GLIS3: variants seen among roughly 807,000 people sequenced by gnomAD.
The protein encoded by GLIS3 is GLIS family zinc finger 3, also known as zinc finger protein GLIS3.
Under a neutral mutation model 78.6 loss-of-function variants are expected in GLIS3, and 53 were observed. The observed-to-expected ratio is 0.67, with a 90% confidence interval of 0.54 to 0.85. GLIS3 has a LOEUF of 0.85. Among genes scored for constraint, GLIS3 ranks in the 40% least tolerant of loss-of-function variants. The pLI is 0.00. For missense variants in GLIS3, 1,703 were observed against 1,231.1 expected (o/e 1.38, Z -5.74); for synonymous variants, 684 against 509.9 (o/e 1.34, Z -4.60).
chr9:4,195,402 G>A (rs548120921), intron 2 of GLIS3, among the ~76,000 whole-genome samples: 62 of 152,310 alleles, frequency 4.1e-4, no homozygotes, highest in Non-Finnish European at 6.9e-4. Context: ...GAGGCCAGCC[G>A]GTGCCACCGG....
chr9:4,347,020 T>C (rs1817904157), intron 2 of GLIS3: 1 of 152,158 alleles, frequency 6.6e-6, no homozygotes, highest in Non-Finnish European at 1.5e-5. Flanking sequence ...CATTTTGTAT[T>C]GCTATAAAGA....
intron 4 of GLIS3, among the ~76,000 whole-genome samples, chr9:4,092,492 T>C (rs1428397914): frequency 6.6e-6 from 1 of 152,214 alleles, no homozygotes; most frequent in Non-Finnish European, 1.5e-5. Flanking sequence ...TGCACCACAA[T>C]ATTTCCTTTC....
chr9:4,182,122 G>C (rs183151138), intron 2 of GLIS3, among the ~76,000 whole-genome samples: 1 of 152,056 alleles, frequency 6.6e-6, no homozygotes, highest in Non-Finnish European at 1.5e-5. Context: ...GAATAAAATG[G>C]TTCCTATAAG....
At chr9:4,132,059 A>C (rs549648321) in intron 2 of GLIS3, among the ~76,000 whole-genome samples, 76 of 151,970 alleles carry the variant, frequency 5.0e-4, no homozygotes, top group South Asian at 2.9e-3. Flanking sequence ...TTAAAAAAAA[A>C]AAAAAACAAA....
chr9:4,216,268 C>T lies in GLIS3; in HGVS notation c.388+69770G>A, dbSNP rs552143475. 4.7e-3 allele frequency among the ~76,000 whole-genome samples: 712 copies of T among 151,866 alleles called. 2 individuals carry two copies. Among genetic ancestry groups the T allele is most frequent in the Non-Finnish European group, 7.4e-3 (501 of 67,926 alleles). On this transcript the variant is annotated intron_variant, in intron 2 of 10. Transcript: ENST00000381971. ...TGGGCAGATCATGAGGTCAGGAAATCGAGACCATCCTGGCTAACATGGTGA... is the reference window on the plus strand; with the variant it reads ...TGGGCAGATCATGAGGTCAGGAAATTGAGACCATCCTGGCTAACATGGTGA...
chr9:4,487,711 A>T, the GLIS3 span, among the ~76,000 whole-genome samples: 1 of 151,302 alleles, frequency 6.6e-6, no homozygotes, highest in South Asian at 2.1e-4. Context: ...TTAAATAGAT[A>T]GAGTCTCGCT....
chr9:4,279,944 T>C (rs1418664411), intron 2 of GLIS3, among the ~76,000 whole-genome samples: 3 of 151,906 alleles, frequency 2.0e-5, no homozygotes, highest in Non-Finnish European at 2.9e-5. Context: ...ATAAATCTGA[T>C]ATAATAATTT....
the GLIS3 span, among the ~76,000 whole-genome samples, chr9:4,466,855 A>T: frequency 1.3e-5 from 2 of 152,218 alleles, no homozygotes; most frequent in African/African-American, 4.8e-5. Flanking sequence ...AGGAAGTGCA[A>T]GGGGGTCGGG....
intron 3 of GLIS3, among the ~76,000 whole-genome samples, chr9:4,120,929 A>G (rs1832129002): frequency 6.6e-6 from 1 of 152,254 alleles, no homozygotes; most frequent in African/African-American, 2.4e-5. Flanking sequence ...CTGTTGAGAG[A>G]TGATTCTTAT....
chr9:3,956,028 C>CCAAAAAAAA (rs1491307787), intron 4 of GLIS3, among the ~76,000 whole-genome samples: 9 of 87,628 alleles, frequency 1.0e-4, no homozygotes, highest in East Asian at 4.0e-4. Context: ...CCAGATTCAG[C>CCAAAAAAAA]AAAAAAAAAA....
chr9:4,444,643 A>G, the GLIS3 span, among the ~76,000 whole-genome samples: 2 of 152,216 alleles, frequency 1.3e-5, no homozygotes, highest in African/African-American at 4.8e-5. Flanking sequence ...AAGCCATCCC[A>G]TCATTAGAAG....
chr9:4,367,728 A>C, the GLIS3 span, among the ~76,000 whole-genome samples: 1 of 151,938 alleles, frequency 6.6e-6, no homozygotes, highest in East Asian at 1.9e-4. Context: ...CACAAGTACT[A>C]TACATATTTA....
intron 2 of GLIS3, among the ~76,000 whole-genome samples, chr9:4,222,754 G>A (rs1294619364): frequency 2.0e-5 from 3 of 152,178 alleles, no homozygotes; most frequent in Non-Finnish European, 2.9e-5. Flanking sequence ...TACTTTAACT[G>A]TGGGCTCGCA....
chr9:3,922,755 A>G (rs1824972491), intron 6 of GLIS3, among the ~76,000 whole-genome samples: 1 of 152,198 alleles, frequency 6.6e-6, no homozygotes, highest in Non-Finnish European at 1.5e-5. Context: ...AAAAATATAA[A>G]GAGAGAAAGC....
At chr9:4,416,582 G>C in the GLIS3 span, among the ~76,000 whole-genome samples, 2 of 152,048 alleles carry the variant, frequency 1.3e-5, no homozygotes, top group East Asian at 1.9e-4. Flanking sequence ...ATTTGGATCA[G>C]CTTCCATTAT....
the GLIS3 span, among the ~76,000 whole-genome samples, chr9:4,403,038 G>A: frequency 6.6e-6 from 1 of 152,060 alleles, no homozygotes; most frequent in South Asian, 2.1e-4. Flanking sequence ...ACACTCAAAG[G>A]TCAAGGATAA....
chr9:3,850,598 C>A (rs146659545), intron 9 of GLIS3, among the ~76,000 whole-genome samples: 114 of 152,260 alleles, frequency 7.5e-4, no homozygotes, highest in African/African-American at 2.6e-3. Context: ...AATGTTCCTA[C>A]CTCTCCCATT....
At chr9:4,469,045 T>A in the GLIS3 span, among the ~76,000 whole-genome samples, 1 of 152,104 alleles carries the variant, frequency 6.6e-6, no homozygotes, top group Non-Finnish European at 1.5e-5. Flanking sequence ...AAAAAGGCCA[T>A]TACATAATGG....
chr9:4,321,015 G>C (rs1346118284), intron 2 of GLIS3, among the ~76,000 whole-genome samples: 1 of 151,842 alleles, frequency 6.6e-6, no homozygotes, highest in Non-Finnish European at 1.5e-5. Context: ...GCTTGGTCTA[G>C]ACCCCAGCCA....
Sources: gnomAD v4.1 joint callset for allele counts (sites outside exome capture counted in the v4.1 genomes callset) on GRCh38, gnomAD v4.1.1 for gene constraint, MANE v1.5 for transcripts, NCBI Gene and HGNC (gene_info 2026-07-23, HGNC 2026-07-21) for gene names.